Variants in KAT2B observed in about 807,000 individuals in gnomAD.
KAT2B encodes histone acetyltransferase KAT2B.
Under a neutral mutation model 105.9 loss-of-function variants are expected in KAT2B, and 36 were observed. That is an observed-to-expected ratio of 0.34 (90% confidence interval 0.26 to 0.45). KAT2B has a LOEUF of 0.45. Ranked by LOEUF, KAT2B falls within the 20% of genes least tolerant of loss-of-function variation. KAT2B has a pLI of 1.00. For missense variants in KAT2B, 820 were observed against 1,021.6 expected, an observed-to-expected ratio of 0.80 and a Z score of 2.69; for synonymous variants, 397 against 377.9, an observed-to-expected ratio of 1.05 and a Z score of -0.59.
At chr3:20,089,794 T>A (rs1361109291) in intron 2 of KAT2B, among the ~76,000 whole-genome samples, 1 of 152,194 alleles carries the variant, frequency 6.6e-6, no homozygotes. Flanking sequence ...TTTTTGATGC[T>A]GTTATAAATG....
chr3:20,128,043 G>A (rs1699437227), intron 11 of KAT2B, among the ~76,000 whole-genome samples: 1 of 152,196 alleles, frequency 6.6e-6, no homozygotes, highest in Non-Finnish European at 1.5e-5. Context: ...CACTGTGAGT[G>A]TATGTGTATG....
chr3:20,110,864 C>T (rs983080023), intron 5 of KAT2B, among the ~76,000 whole-genome samples: 12 of 152,040 alleles, frequency 7.9e-5, no homozygotes, highest in African/African-American at 2.2e-4. Flanking sequence ...CCTCCTCCAG[C>T]GTCGTGCAGT....
chr3:20,095,440 C>G, intron 3 of KAT2B, 32 bp downstream of exon 3: 1 of 1,479,976 alleles, frequency 6.8e-7, no homozygotes, highest in Non-Finnish European at 9.3e-7. Context: ...AACATTTTCT[C>G]TCATTATTCA....
intron 2 of KAT2B, among the ~76,000 whole-genome samples, chr3:20,093,405 T>G (rs1295299968): frequency 6.6e-6 from 1 of 152,164 alleles, no homozygotes; most frequent in African/African-American, 2.4e-5. Context: ...GAGCTGCTCT[T>G]GAGGGTATAT....
At chr3:20,096,308 G>T (rs1315048459) in intron 3 of KAT2B, among the ~76,000 whole-genome samples, 1 of 152,110 alleles carries the variant, frequency 6.6e-6, no homozygotes, top group African/African-American at 2.4e-5. Flanking sequence ...CTCCATGTGG[G>T]TCACATCCAT....
intron 2 of KAT2B, among the ~76,000 whole-genome samples, chr3:20,090,444 G>A (rs1698696430): frequency 6.6e-6 from 1 of 152,078 alleles, no homozygotes; most frequent in African/African-American, 2.4e-5. Flanking sequence ...TGCTTTTTCT[G>A]TATCTTTAGA....
chr3:20,122,605 C>T lies in KAT2B; in HGVS notation c.1277-63C>T, dbSNP rs1016588800. ...TCAATGCTGTTAGAAAATTAGTTGG[C>T]GTGTATTATTTGTTTTGTGTTTAGA... On this transcript the variant is annotated intron_variant, in intron 8 of 17. Coordinates refer to ENST00000263754, the MANE Select transcript of KAT2B (RefSeq NM_003884.5). 29 of 1,297,972 alleles carry T rather than the reference C, an allele frequency of 2.2e-5. No homozygotes were observed. The Middle Eastern group carries it at 5.7e-4, about 25-fold the overall frequency. 80.4% of individuals were successfully genotyped at this position (1,297,972 alleles called of 1,614,324 possible). A position where few individuals can be genotyped will look rare whatever the true frequency, so the allele number is the denominator to read the frequency against.
chr3:20,057,674 T>G (rs2948086), intron 1 of KAT2B, among the ~76,000 whole-genome samples: 10,580 of 152,232 alleles, frequency 0.069, 441 homozygotes, highest in East Asian at 0.19. Context: ...GGTACTAGTT[T>G]CTAGGCCCCA....
At chr3:20,069,454 C>G (rs1698279575) in intron 1 of KAT2B, among the ~76,000 whole-genome samples, 1 of 151,858 alleles carries the variant, frequency 6.6e-6, no homozygotes. Flanking sequence ...GTGGGGATAC[C>G]TTTAAGAATT....
chr3:20,113,298 A>G (rs573690653), intron 6 of KAT2B, among the ~76,000 whole-genome samples: 8 of 152,338 alleles, frequency 5.3e-5, no homozygotes, highest in Non-Finnish European at 1.0e-4. Flanking sequence ...TTATGTTTTC[A>G]GGTAATAGTT....
intron 5 of KAT2B, among the ~76,000 whole-genome samples, chr3:20,109,582 C>T (rs570405125): frequency 1.3e-5 from 2 of 152,258 alleles, no homozygotes; most frequent in East Asian, 3.9e-4. Flanking sequence ...CCTTCCAAAG[C>T]ACTGGGATGA....
chr3:20,057,756 C>T (rs542341720), intron 1 of KAT2B, among the ~76,000 whole-genome samples: 5 of 152,114 alleles, frequency 3.3e-5, no homozygotes, highest in African/African-American at 4.8e-5. Context: ...AGAGGTCACT[C>T]GGATGTAATG....
chr3:20,146,284 C>A, intron 13 of KAT2B, 32 bp from the exon 14 acceptor site: 1 of 1,257,094 alleles, frequency 8.0e-7, no homozygotes, highest in Non-Finnish European at 1.2e-6. Flanking sequence ...AGACTTCTTT[C>A]CCTAAACACA....
In KAT2B at chr3:20,065,105, T is replaced by C. The variant is rs200767274; in HGVS notation, c.304-7228T>C. Among the ~76,000 whole-genome samples the C allele has an allele frequency of 3.3e-5, 5 of 152,320 alleles. No individual in the cohort carries two copies. In the East Asian group the frequency reaches 9.6e-4, roughly 29 times the overall value. On this transcript the variant is annotated intron_variant, in intron 1 of 17. Transcript: ENST00000263754. ...CTATAACAACATCGGTTGCATACTATTGACCTCTAACCCTGGATCCTGTTG... is the reference window on the plus strand; with the variant it reads ...CTATAACAACATCGGTTGCATACTACTGACCTCTAACCCTGGATCCTGTTG...
intron 13 of KAT2B, among the ~76,000 whole-genome samples, chr3:20,144,302 T>C (rs1267894990): frequency 9.2e-6 from 1 of 108,530 alleles, no homozygotes; most frequent in East Asian, 4.4e-4. Context: ...TTTTTTTTTT[T>C]TTTTGAGACA....
intron 17 of KAT2B, among the ~76,000 whole-genome samples, chr3:20,150,276 C>G (rs1699850277): frequency 1.3e-5 from 2 of 152,052 alleles, no homozygotes; most frequent in South Asian, 4.1e-4. Context: ...AGTCTTGTCC[C>G]CAAGATTATC....
intron 9 of KAT2B, among the ~76,000 whole-genome samples, chr3:20,125,221 C>T (rs1699379009): frequency 6.8e-6 from 1 of 147,058 alleles, no homozygotes; most frequent in African/African-American, 2.5e-5. Flanking sequence ...AGGAGAATGG[C>T]ATGAACCCGG....
intron 1 of KAT2B, among the ~76,000 whole-genome samples, chr3:20,055,052 G>A (rs1697982653): frequency 6.6e-6 from 1 of 151,972 alleles, no homozygotes; most frequent in Non-Finnish European, 1.5e-5. Flanking sequence ...AGGTGAAAGG[G>A]TGGGAGAGAG....
At chr3:20,108,610 G>A (rs1436292145) in intron 5 of KAT2B, among the ~76,000 whole-genome samples, 1 of 151,584 alleles carries the variant, frequency 6.6e-6, no homozygotes, top group Non-Finnish European at 1.5e-5. Flanking sequence ...GTAGTATTCA[G>A]TACAGTAATA....
Sources: allele counts gnomAD v4.1 joint callset (sites outside exome capture counted in the v4.1 genomes callset), GRCh38; gene constraint gnomAD v4.1.1; transcripts MANE v1.5; gene names NCBI Gene and HGNC (gene_info 2026-07-23, HGNC 2026-07-21).